UBAC2: variants seen among roughly 807,000 people sequenced by gnomAD.
UBAC2 encodes the protein ubiquitin-associated domain-containing protein 2.
Under a neutral mutation model 44.0 loss-of-function variants are expected in UBAC2, and 26 were observed. The ratio of observed to expected loss-of-function variants is 0.59; its 90% CI spans 0.43 to 0.82. The LOEUF is 0.82. UBAC2 is among the 40% of genes least tolerant of loss of function. The probability of loss-of-function intolerance (pLI) is 0.00; values close to 1 mark genes in which losing one functional copy is unlikely to be tolerated. For synonymous variants in UBAC2, 155 were observed against 154.3 expected (o/e 1.00, Z -0.04); for missense variants, 329 against 419.4 (o/e 0.78, Z 1.88).
chr13:99,312,136 T>G (rs1219507878), intron 4 of UBAC2, among the ~76,000 whole-genome samples: 1 of 152,246 alleles, frequency 6.6e-6, no homozygotes, highest in African/African-American at 2.4e-5. Context: ...TTGGTTTGGT[T>G]TTGTTTTTAA....
chr13:99,218,467 A>G (rs2043021054), intron 1 of UBAC2, among the ~76,000 whole-genome samples: 1 of 150,262 alleles, frequency 6.7e-6, no homozygotes, highest in South Asian at 2.1e-4. Context: ...TTTTGTATCT[A>G]GAGGGTAAGT....
intron 4 of UBAC2, among the ~76,000 whole-genome samples, chr13:99,297,080 A>G (rs1474126340): frequency 6.6e-6 from 1 of 152,184 alleles, no homozygotes; most frequent in Non-Finnish European, 1.5e-5. Context: ...GTCAATGCAT[A>G]ATTTGCTTAG....
At chr13:99,288,388 A>G (rs1289808230) in intron 4 of UBAC2, among the ~76,000 whole-genome samples, 1 of 152,248 alleles carries the variant, frequency 6.6e-6, no homozygotes, top group Non-Finnish European at 1.5e-5. Flanking sequence ...ACTAACTACG[A>G]GAAGCCACAC....
rs139112781 is a variant in UBAC2, at chr13:99,254,121, C to G, written c.389+9497C>G. Among the ~76,000 whole-genome samples, 204 of 152,276 alleles carry G rather than the reference C, an allele frequency of 1.3e-3. 1 individual carries two copies. The highest frequency in any genetic ancestry group is 3.5e-3 in the Admixed American group (54 of 15,288). ...CCTGGGAAAAAAAATCAATTAACTT[C>G]TTTTGTAAAAATGGTATCTTCAACC... On this transcript the variant is annotated intron_variant, in intron 4 of 8. Coordinates refer to ENST00000403766, the MANE Select transcript of UBAC2 (RefSeq NM_001144072.2).
chr13:99,308,180 G>A (rs765034577), intron 4 of UBAC2, among the ~76,000 whole-genome samples: 17 of 152,226 alleles, frequency 1.1e-4, no homozygotes, highest in Non-Finnish European at 1.9e-4. Flanking sequence ...CAGATCAGGA[G>A]AGGTGATGTT....
chr13:99,261,498 T>A (rs1251785047), intron 4 of UBAC2, among the ~76,000 whole-genome samples: 1 of 152,254 alleles, frequency 6.6e-6, no homozygotes, highest in Non-Finnish European at 1.5e-5. Flanking sequence ...CCAGTTAGTA[T>A]ACCTCCTTTC....
chr13:99,267,115 G>A (rs910317574), intron 4 of UBAC2, among the ~76,000 whole-genome samples: 4 of 151,074 alleles, frequency 2.6e-5, no homozygotes, highest in African/African-American at 7.3e-5. Flanking sequence ...TTCCATTTCC[G>A]ATGATGAGTG....
At chr13:99,233,490 G>A (rs972517398) in intron 1 of UBAC2, among the ~76,000 whole-genome samples, 1 of 152,130 alleles carries the variant, frequency 6.6e-6, no homozygotes, top group Non-Finnish European at 1.5e-5. Context: ...TGGGCAGGGC[G>A]GGTATAGGTG....
chr13:99,365,505 C>T (rs1189205402), intron 7 of UBAC2, among the ~76,000 whole-genome samples: 2 of 151,952 alleles, frequency 1.3e-5, no homozygotes, highest in East Asian at 3.8e-4. Flanking sequence ...TTTATTCATT[C>T]TTAGCTATCT....
chr13:99,207,322 G>A (rs185312818), intron 1 of UBAC2, among the ~76,000 whole-genome samples: 142 of 152,300 alleles, frequency 9.3e-4, no homozygotes, highest in Admixed American at 4.2e-3. Flanking sequence ...TTTTGCCATA[G>A]TAACTACTCA....
At chr13:99,338,528 C>T (rs1205689909) in intron 6 of UBAC2, among the ~76,000 whole-genome samples, 1 of 152,190 alleles carries the variant, frequency 6.6e-6, no homozygotes, top group African/African-American at 2.4e-5. Context: ...TGCTTATATG[C>T]AGAGTGGTTT....
intron 7 of UBAC2, chr13:99,351,659 G>A (rs1205400083): frequency 2.2e-6 from 1 of 456,600 alleles, no homozygotes; most frequent in African/African-American, 2.0e-5. Context: ...ACACAAACTT[G>A]GGGATAAAAC....
rs530581173 is a variant in UBAC2 at position 99,245,480 on chromosome 13, C to A, written c.389+856C>A. Among the ~76,000 whole-genome samples the A allele has an allele frequency of 4.7e-3, 722 of 152,180 alleles. 5 individuals are homozygous for A. The highest frequency in any genetic ancestry group is 0.016 in the African/African-American group (668 of 41,502). On this transcript the variant is annotated intron_variant, in intron 4 of 8. Coordinates refer to ENST00000403766, the MANE Select transcript of UBAC2 (RefSeq NM_001144072.2). ...TTGCGTTGATCTTCTTTAAAAAAAA[C>A]AAAAACCATGTATTAGTGTGTGAAA...
At chr13:99,358,295 T>C (rs538387061) in intron 7 of UBAC2, among the ~76,000 whole-genome samples, 111 of 152,310 alleles carry the variant, frequency 7.3e-4, no homozygotes, top group African/African-American at 2.6e-3. Flanking sequence ...GAAAAGGCCC[T>C]TAATGTACTC....
At chr13:99,360,047 T>C (rs2045244039) in intron 7 of UBAC2, among the ~76,000 whole-genome samples, 2 of 152,256 alleles carry the variant, frequency 1.3e-5, no homozygotes, top group South Asian at 4.1e-4. Flanking sequence ...GGAAGTCATT[T>C]TGGCTTTTCT....
chr13:99,272,069 CTCTAA>C (rs2043822638), intron 4 of UBAC2, among the ~76,000 whole-genome samples: 1 of 152,180 alleles, frequency 6.6e-6, no homozygotes, highest in Non-Finnish European at 1.5e-5. Flanking sequence ...TTAGTCTTCT[CTCTAA>C]AAGACAGTGA....
At chr13:99,227,290 C>A (rs1249840197) in intron 1 of UBAC2, among the ~76,000 whole-genome samples, 1 of 152,116 alleles carries the variant, frequency 6.6e-6, no homozygotes, top group Non-Finnish European at 1.5e-5. Flanking sequence ...GAACCCGAGA[C>A]AAGGCTTGCA....
At chr13:99,350,742 C>T (rs550667393) in intron 7 of UBAC2, among the ~76,000 whole-genome samples, 1 of 152,348 alleles carries the variant, frequency 6.6e-6, no homozygotes, top group East Asian at 1.9e-4. Context: ...ACCACGGGAA[C>T]CCTCATTTAT....
intron 4 of UBAC2, among the ~76,000 whole-genome samples, chr13:99,279,067 G>C (rs2043920171): frequency 6.6e-6 from 1 of 152,248 alleles, no homozygotes; most frequent in East Asian, 1.9e-4. Context: ...CAAAGCCTTT[G>C]GATTTTAAGC....
Sources: allele counts gnomAD v4.1 joint callset (sites outside exome capture counted in the v4.1 genomes callset), GRCh38; gene constraint gnomAD v4.1.1; transcripts MANE v1.5; gene names NCBI Gene and HGNC (gene_info 2026-07-23, HGNC 2026-07-21).